The following SMARCC1 variants were observed in gnomAD, a reference collection of about 807,000 sequenced individuals.
The protein encoded by SMARCC1 is SWI/SNF related BAF chromatin remodeling complex subunit C1, also known as SWI/SNF complex subunit SMARCC1.
In SMARCC1, 43 loss-of-function variants were observed where a neutral mutation model predicts 147.4. The ratio of observed to expected loss-of-function variants is 0.29; its 90% CI spans 0.23 to 0.38. The LOEUF (loss-of-function observed/expected upper bound fraction) is 0.38. SMARCC1 is among the 10% of genes least tolerant of loss of function. The pLI, the probability that SMARCC1 is intolerant of heterozygous loss-of-function variation, is 1.00. For synonymous variants in SMARCC1, 495 were observed against 484.4 expected (o/e 1.02, Z -0.29); for missense variants, 1,119 against 1,381.1 (o/e 0.81, Z 3.01).
At chr3:47,737,232 A>G (rs1363712412) in intron 4 of SMARCC1, among the ~76,000 whole-genome samples, 1 of 152,102 alleles carries the variant, frequency 6.6e-6, no homozygotes, top group East Asian at 1.9e-4. Flanking sequence ...TTTCTACAAA[A>G]GATATAAAAA....
chr3:47,604,951 T>C (rs1004367164), intron 26 of SMARCC1, among the ~76,000 whole-genome samples: 10 of 152,250 alleles, frequency 6.6e-5, no homozygotes, highest in African/African-American at 2.4e-4. Context: ...TCCACCTGCC[T>C]TGGCTTCCCA....
chr3:47,645,831 C>A (rs1306135047), intron 21 of SMARCC1, among the ~76,000 whole-genome samples: 2 of 152,160 alleles, frequency 1.3e-5, no homozygotes, highest in African/African-American at 2.4e-5. Context: ...GAAATCAATT[C>A]TTTAATTAGC....
At chr3:47,688,862 A>G (rs2033760299) in intron 13 of SMARCC1, among the ~76,000 whole-genome samples, 2 of 152,156 alleles carry the variant, frequency 1.3e-5, no homozygotes, top group African/African-American at 4.8e-5. Context: ...CACATGAGGG[A>G]CACTAGCAGG....
intron 21 of SMARCC1, among the ~76,000 whole-genome samples, chr3:47,659,290 A>G (rs1219151805): frequency 6.6e-6 from 1 of 151,106 alleles, no homozygotes. Context: ...AATAAAAAAA[A>G]AAGAAAAAAA....
chr3:47,681,719 TATAA>T (rs1407343256), intron 14 of SMARCC1, among the ~76,000 whole-genome samples: 1 of 152,206 alleles, frequency 6.6e-6, no homozygotes, highest in Non-Finnish European at 1.5e-5. Context: ...GGTCAAATAC[TATAA>T]ATACAATGAA....
chr3:47,694,724 T>A (rs2033827805), intron 11 of SMARCC1, among the ~76,000 whole-genome samples: 1 of 152,216 alleles, frequency 6.6e-6, no homozygotes, highest in Non-Finnish European at 1.5e-5. Context: ...ATCTACCTTT[T>A]AGGTTTTGAA....
Position 47,588,172 on chromosome 3 carries a change from ATGG to A in SMARCC1, c.*34_*36del. 1 of 1,484,304 alleles carries A rather than the reference ATGG, an allele frequency of 6.7e-7. No homozygotes were observed. Among genetic ancestry groups the A allele is most frequent in the Non-Finnish European group, 9.4e-7 (1 of 1,067,412 alleles). The allele number at this position is 1,484,304 out of a possible 1,614,324, so 91.9% of individuals were successfully genotyped here. On this transcript the variant is annotated 3_prime_UTR_variant, in exon 28 of 28. Transcript: ENST00000254480. ...AGTCTTGTCATCCCCACTCCAGCTC[ATGG>A]TGGTGGGCGTGGAGGTTCCCTGCAT...
chr3:47,589,880 C>T (rs1183170600), intron 27 of SMARCC1, among the ~76,000 whole-genome samples: 1 of 152,194 alleles, frequency 6.6e-6, no homozygotes, highest in Non-Finnish European at 1.5e-5. Context: ...TAAATAGTAG[C>T]TAAACTTTTG....
intron 26 of SMARCC1, chr3:47,604,097 A>G (rs1340407195): frequency 2.2e-6 from 1 of 456,762 alleles, no homozygotes; most frequent in Non-Finnish European, 4.4e-6. Flanking sequence ...ACTAAATGGA[A>G]TATGTACAGG....
At chr3:47,622,914 C>A (rs147664992) in intron 24 of SMARCC1, among the ~76,000 whole-genome samples, 1 of 152,222 alleles carries the variant, frequency 6.6e-6, no homozygotes, top group Non-Finnish European at 1.5e-5. Flanking sequence ...CACTCCTTTG[C>A]CACAAGACTG....
chr3:47,675,537 G>T lies in SMARCC1; in HGVS notation c.1777C>A (p.Pro593Thr). The change falls in exon 18 of 28, where the codon CCA (proline) becomes ACA (threonine). Residue 593 changes from proline (P) to threonine (T), a missense_variant. Around this residue, in one of 6 missense-constraint regions of SMARCC1, gnomAD observed 178 missense variants for 264.6 expected, o/e 0.67. Transcript: ENST00000254480. ...LNFPEKNKEK[P>T]VDLQNFGLRT... Reference sequence around the variant, plus strand: ...AGACCAAAGTTCTGCAAATCAACTGGTTTTTCCTTGTTTTTCTCAGGAAAA... The same window carrying T: ...AGACCAAAGTTCTGCAAATCAACTGTTTTTTCCTTGTTTTTCTCAGGAAAA... The T allele has an allele frequency of 6.2e-7, 1 of 1,612,920 alleles. No individual in the cohort carries two copies. Among genetic ancestry groups the T allele is most frequent in the Non-Finnish European group, 8.5e-7 (1 of 1,178,952 alleles).
Position 47,610,164 on chromosome 3 carries a change from A to T in SMARCC1, c.2945T>A (p.Leu982His), listed in dbSNP as rs1172716079. 1 of 1,613,960 alleles carries T rather than the reference A, an allele frequency of 6.2e-7. No individual in the cohort carries two copies. The highest frequency in any genetic ancestry group is 1.7e-5 in the Admixed American group (1 of 59,996). Reference sequence around the variant, plus strand: ...CATGCCAGGGTGCCCTGCTGCTCCAAGTGGGGCCAGGCCAGGTCCTCCTGA... The same window carrying T: ...CATGCCAGGGTGCCCTGCTGCTCCATGTGGGGCCAGGCCAGGTCCTCCTGA... ...QHSGGPGLAP[L>H]GAAGHPGMMP... Residue 982 changes from leucine to histidine, a missense_variant, in exon 26 of 28, where the codon CTT becomes CAT. Coordinates refer to ENST00000254480, the MANE Select transcript of SMARCC1 (RefSeq NM_003074.4).
At chr3:47,727,646 G>T in intron 6 of SMARCC1, among the ~76,000 whole-genome samples, 1 of 149,088 alleles carries the variant, frequency 6.7e-6, no homozygotes, top group East Asian at 2.0e-4. Flanking sequence ...ACAGAGTTTT[G>T]CTCTTCTTGC....
rs1263528197 is a variant in SMARCC1, at chr3:47,781,586, C to T, written c.195+17G>A. 14 of 1,509,362 alleles carry T rather than the reference C, an allele frequency of 9.3e-6. No homozygotes were observed. Among genetic ancestry groups the T allele is most frequent in the African/African-American group, 1.4e-5 (1 of 69,014 alleles). The allele number at this position is 1,509,362 out of a possible 1,614,324, so 93.5% of individuals were successfully genotyped here. On this transcript the variant is annotated intron_variant, in intron 1 of 27. Transcript: ENST00000254480. Reference sequence around the variant, plus strand: ...CGGTCGCGTGGTCTCCCGGCCCCCACGGGCGCGCGAACCCACCTTCTTGTA... The same window carrying T: ...CGGTCGCGTGGTCTCCCGGCCCCCATGGGCGCGCGAACCCACCTTCTTGTA...
intron 1 of SMARCC1, among the ~76,000 whole-genome samples, chr3:47,778,174 G>A (rs2034997686): frequency 8.3e-6 from 1 of 120,146 alleles, no homozygotes; most frequent in Non-Finnish European, 1.6e-5. Context: ...TTGGGCAGAA[G>A]AGCGAGACTC....
At chr3:47,774,917 T>C (rs1227674090) in intron 1 of SMARCC1, among the ~76,000 whole-genome samples, 1 of 151,840 alleles carries the variant, frequency 6.6e-6, no homozygotes, top group African/African-American at 2.4e-5. Flanking sequence ...GTGATCCTCC[T>C]CCTCCACCTC....
At chr3:47,645,970 G>A (rs1326941683) in intron 21 of SMARCC1, among the ~76,000 whole-genome samples, 1 of 151,972 alleles carries the variant, frequency 6.6e-6, no homozygotes, top group African/African-American at 2.4e-5. Context: ...TTTAAGATGG[G>A]GTCCCGCTAT....
At chr3:47,721,494 C>T (rs557688506) in intron 6 of SMARCC1, among the ~76,000 whole-genome samples, 9 of 152,110 alleles carry the variant, frequency 5.9e-5, no homozygotes, top group Admixed American at 3.3e-4. Flanking sequence ...AGAAAATGGA[C>T]GCCTAATAGT....
intron 16 of SMARCC1, among the ~76,000 whole-genome samples, chr3:47,677,394 C>A (rs1213880999): frequency 3.7e-5 from 5 of 135,642 alleles, no homozygotes; most frequent in Non-Finnish European, 8.0e-5. Flanking sequence ...AGCCACCATG[C>A]CTGGCCGTTT....
Sources: gnomAD v4.1 joint callset for allele counts (sites outside exome capture counted in the v4.1 genomes callset) on GRCh38, gnomAD v4.1.1 for gene constraint, gnomAD v4.1.1 regional missense constraint, MANE v1.5 for transcripts, NCBI Gene and HGNC (gene_info 2026-07-23, HGNC 2026-07-21) for gene names.